The following PROM1 variants were observed in gnomAD, a reference collection of about 807,000 sequenced individuals.
The protein encoded by PROM1 is prominin 1, also known as prominin-1.
A neutral mutation model predicts 116.9 loss-of-function variants in PROM1; 105 were observed. The ratio of observed to expected loss-of-function variants is 0.90; its 90% CI spans 0.77 to 1.06. The LOEUF is 1.06. PROM1 is among the 50% of genes least tolerant of loss of function. PROM1 has a pLI of 0.00. For missense variants in PROM1, 1,122 were observed against 1,045.2 expected, an observed-to-expected ratio of 1.07 and a Z score of -1.01; for synonymous variants, 393 against 387.0, an observed-to-expected ratio of 1.02 and a Z score of -0.18.
At chr4:16,003,089 T>G (rs965937321) in intron 13 of PROM1, among the ~76,000 whole-genome samples, 3 of 152,188 alleles carry the variant, frequency 2.0e-5, no homozygotes, top group African/African-American at 7.2e-5. Flanking sequence ...ATTTGCACAG[T>G]TAGGATAATA....
chr4:15,979,817 A>G (rs150006885), intron 25 of PROM1, 64 bp downstream of exon 25: 14 of 1,312,722 alleles, frequency 1.1e-5, no homozygotes, highest in African/African-American at 2.9e-5. Context: ...TTTAAAGTCC[A>G]TTACATAATA....
intron 26 of PROM1, among the ~76,000 whole-genome samples, chr4:15,972,349 G>A (rs1034384390): frequency 1.1e-4 from 16 of 152,212 alleles, no homozygotes; most frequent in Admixed American, 1.0e-3. Context: ...CGAAGTCCAA[G>A]AACCTGGTGC....
Position 16,006,535 on chromosome 4 carries a change from C to G in PROM1, c.1454+3G>C. 1 of 1,584,114 alleles carries G rather than the reference C, an allele frequency of 6.3e-7. No homozygotes were observed. The highest frequency in any genetic ancestry group is 8.6e-7 in the Non-Finnish European group (1 of 1,165,962). On this transcript the variant is annotated splice_donor_region_variant and intron_variant, in intron 13 of 27. Transcript: ENST00000447510. ...CACATGACAGAGAGGAGCAGACACTCACACCATGAGGAAGACGCCTCCGGT... is the reference window on the plus strand; with the variant it reads ...CACATGACAGAGAGGAGCAGACACTGACACCATGAGGAAGACGCCTCCGGT...
intron 22 of PROM1, among the ~76,000 whole-genome samples, chr4:15,984,758 ACT>A (rs1718903295): frequency 6.6e-6 from 1 of 152,040 alleles, no homozygotes; most frequent in African/African-American, 2.4e-5. Context: ...ATGATCTGTC[ACT>A]GTCTCCCATT....
At chr4:16,077,470 G>A (rs1744201320) in intron 1 of PROM1, among the ~76,000 whole-genome samples, 1 of 152,106 alleles carries the variant, frequency 6.6e-6, no homozygotes, top group Non-Finnish European at 1.5e-5. Flanking sequence ...AATACTAAGG[G>A]AACTCAGAGG....
intron 2 of PROM1, among the ~76,000 whole-genome samples, chr4:16,066,047 A>C (rs761081881): frequency 5.9e-5 from 9 of 152,182 alleles, no homozygotes; most frequent in Non-Finnish European, 1.2e-4. Context: ...ATCAGAAGCT[A>C]GAAGAGGCAA....
chr4:16,051,572 G>C (rs192445045), intron 2 of PROM1, among the ~76,000 whole-genome samples: 25 of 152,348 alleles, frequency 1.6e-4, no homozygotes, highest in African/African-American at 6.0e-4. Context: ...AAGATGCTGA[G>C]TGTGGGGTTT....
intron 26 of PROM1, among the ~76,000 whole-genome samples, chr4:15,976,750 A>C (rs1716238903): frequency 6.6e-6 from 1 of 152,212 alleles, no homozygotes; most frequent in African/African-American, 2.4e-5. Context: ...TATTGGATGC[A>C]GCACATTCTT....
At chr4:16,077,831 T>C (rs1479156644) in intron 1 of PROM1, among the ~76,000 whole-genome samples, 3 of 152,210 alleles carry the variant, frequency 2.0e-5, no homozygotes, top group South Asian at 2.1e-4. Flanking sequence ...GCTGGAGATA[T>C]ATCTTACTCT....
chr4:16,029,827 T>C (rs1171501118), intron 5 of PROM1, among the ~76,000 whole-genome samples: 1 of 152,234 alleles, frequency 6.6e-6, no homozygotes, highest in African/African-American at 2.4e-5. Flanking sequence ...AAAAATCACA[T>C]GCAAAGATTA....
chr4:16,025,719 G>GCA (rs139033375), intron 5 of PROM1, among the ~76,000 whole-genome samples: 13,684 of 150,198 alleles, frequency 0.091, 666 homozygotes, highest in Middle Eastern at 0.14. Flanking sequence ...ACACACACAC[G>GCA]CACACACACA....
chr4:16,044,998 A>G (rs1736197905), intron 2 of PROM1, among the ~76,000 whole-genome samples: 1 of 152,184 alleles, frequency 6.6e-6, no homozygotes, highest in Admixed American at 6.5e-5. Flanking sequence ...AGTGCCTGGT[A>G]TATAATATAC....
At chr4:15,980,627 T>A in intron 23 of PROM1, 90 bp from the exon 24 acceptor site, 1 of 646,304 alleles carries the variant, frequency 1.5e-6, no homozygotes, top group Non-Finnish European at 2.5e-6. Flanking sequence ...TTTTTTTTTT[T>A]TTTGGAATTT....
At chr4:16,075,133 T>C (rs1428907891) in intron 2 of PROM1, among the ~76,000 whole-genome samples, 7 of 152,204 alleles carry the variant, frequency 4.6e-5, no homozygotes, top group South Asian at 2.1e-4. Context: ...AACAGCACTA[T>C]GGCATGACAG....
chr4:15,985,920 A>G, intron 21 of PROM1, 37 bp downstream of exon 21: 1 of 134,324 alleles, frequency 7.4e-6, no homozygotes, highest in Non-Finnish European at 1.1e-5. Context: ...TCAAGTGCCC[A>G]CTTATGGACA....
chr4:16,051,462 T>C (rs1737871611), intron 2 of PROM1, among the ~76,000 whole-genome samples: 2 of 152,214 alleles, frequency 1.3e-5, no homozygotes, highest in South Asian at 4.1e-4. Context: ...AGCTGTGAAC[T>C]CTCTAACCAC....
At chr4:15,987,437 A>G (rs1490677406) in intron 20 of PROM1, among the ~76,000 whole-genome samples, 1 of 152,372 alleles carries the variant, frequency 6.6e-6, no homozygotes, top group South Asian at 2.1e-4. Flanking sequence ...ACATCAAAAC[A>G]TAGATTTCAC....
chr4:16,054,245 T>A (rs1738486727), intron 2 of PROM1, among the ~76,000 whole-genome samples: 2 of 152,196 alleles, frequency 1.3e-5, no homozygotes, highest in African/African-American at 4.8e-5. Context: ...TCCATTCCAT[T>A]CTATACAGCG....
At chr4:15,985,706 T>C in intron 22 of PROM1, 54 bp downstream of exon 22, 2 of 1,206,226 alleles carry the variant, frequency 1.7e-6, no homozygotes, top group East Asian at 2.4e-5. Flanking sequence ...CCCTAGAAAA[T>C]GGCTATCCTG....
Sources: gnomAD v4.1 joint callset for allele counts (sites outside exome capture counted in the v4.1 genomes callset) on GRCh38, gnomAD v4.1.1 for gene constraint, MANE v1.5 for transcripts, NCBI Gene and HGNC (gene_info 2026-07-23, HGNC 2026-07-21) for gene names.